DPP10: variants seen among roughly 807,000 people sequenced by gnomAD.
DPP10 encodes dipeptidyl peptidase like 10, also known as inactive dipeptidyl peptidase 10.
In DPP10, 33 loss-of-function variants were observed where a neutral mutation model predicts 120.9. The observed-to-expected ratio is 0.27, with a 90% CI of 0.21 to 0.37. The LOEUF is 0.37. Among genes scored for constraint, DPP10 ranks in the 10% least tolerant of loss-of-function variants. The pLI, the probability that DPP10 is intolerant of heterozygous loss-of-function variation, is 1.00. For missense variants in DPP10, 816 were observed against 942.8 expected, an observed-to-expected ratio of 0.87 and a Z score of 1.76; for synonymous variants, 337 against 326.1, an observed-to-expected ratio of 1.03 and a Z score of -0.36.
At chr2:114,648,452 C>T (rs546513068) in intron 1 of DPP10, among the ~76,000 whole-genome samples, 2 of 152,172 alleles carry the variant, frequency 1.3e-5, no homozygotes, top group Non-Finnish European at 2.9e-5. Context: ...GTATTTCTCC[C>T]TTGCTTAAGT....
At chr2:115,409,620 A>C (rs2068789187) in intron 3 of DPP10, among the ~76,000 whole-genome samples, 1 of 152,222 alleles carries the variant, frequency 6.6e-6, no homozygotes, top group African/African-American at 2.4e-5. Flanking sequence ...TTAAAGAACT[A>C]AAAATAGATC....
intron 3 of DPP10, among the ~76,000 whole-genome samples, chr2:115,356,384 G>A (rs1439528720): frequency 6.6e-6 from 1 of 152,028 alleles, no homozygotes; most frequent in African/African-American, 2.4e-5. Context: ...AGGAATGCTT[G>A]TGGTTTTTGC....
intron 7 of DPP10, among the ~76,000 whole-genome samples, chr2:115,699,389 G>A (rs1471107954): frequency 1.3e-5 from 2 of 152,150 alleles, no homozygotes; most frequent in South Asian, 2.1e-4. Context: ...ATCACCTGAG[G>A]TCAGGAGTTT....
intron 1 of DPP10, among the ~76,000 whole-genome samples, chr2:114,684,125 A>T (rs953336237): frequency 9.9e-5 from 15 of 151,956 alleles, no homozygotes; most frequent in South Asian, 6.2e-4. Flanking sequence ...GATAGGGAAG[A>T]TTCTTTGTGT....
At chr2:115,352,448 T>C (rs2064095001) in intron 3 of DPP10, among the ~76,000 whole-genome samples, 1 of 152,186 alleles carries the variant, frequency 6.6e-6, no homozygotes, top group Non-Finnish European at 1.5e-5. Context: ...TATACAATTG[T>C]TGGTCTTGGC....
chr2:115,096,527 GA>G (rs1273949378), intron 1 of DPP10, among the ~76,000 whole-genome samples: 2 of 152,022 alleles, frequency 1.3e-5, no homozygotes, highest in African/African-American at 2.4e-5. Flanking sequence ...ACTAGTCAGG[GA>G]AAAGAGCTTA....
At chr2:114,846,685 T>A (rs1688573332) in intron 1 of DPP10, among the ~76,000 whole-genome samples, 1 of 152,138 alleles carries the variant, frequency 6.6e-6, no homozygotes. Flanking sequence ...TGACCCTTCA[T>A]GAATGCTGCC....
At chr2:115,543,923 C>A (rs1377435025) in intron 5 of DPP10, among the ~76,000 whole-genome samples, 1 of 151,654 alleles carries the variant, frequency 6.6e-6, no homozygotes, top group East Asian at 1.9e-4. Flanking sequence ...GTGTAAATTT[C>A]ATTAATATTA....
intron 5 of DPP10, among the ~76,000 whole-genome samples, chr2:115,619,815 T>G (rs2084811650): frequency 6.6e-6 from 1 of 152,204 alleles, no homozygotes. Context: ...GATGAGACTT[T>G]ATTTCTGAAC....
At chr2:115,685,757 T>G (rs2090954785) in intron 5 of DPP10, among the ~76,000 whole-genome samples, 1 of 152,088 alleles carries the variant, frequency 6.6e-6, no homozygotes, top group Admixed American at 6.6e-5. Flanking sequence ...TGAATGTAGT[T>G]AATTTTCATT....
chr2:115,659,216 C>G (rs1012344252), intron 5 of DPP10, among the ~76,000 whole-genome samples: 49 of 152,244 alleles, frequency 3.2e-4, no homozygotes, highest in African/African-American at 1.1e-3. Flanking sequence ...TCTCATACTT[C>G]CCAACCTCCA....
chr2:114,514,769 G>GT (rs770243737), intron 1 of DPP10, among the ~76,000 whole-genome samples: 4,423 of 140,758 alleles, frequency 0.031, 80 homozygotes, highest in Non-Finnish European at 0.036. Flanking sequence ...TTTTTTTTCT[G>GT]GTTTTTTTTT....
intron 2 of DPP10, among the ~76,000 whole-genome samples, chr2:115,315,711 A>G (rs967549829): frequency 2.0e-5 from 3 of 152,178 alleles, no homozygotes; most frequent in African/African-American, 4.8e-5. Context: ...ATTGATAGGC[A>G]TAGTCTAATG....
chr2:114,465,565 A>G (rs570744626), intron 1 of DPP10, among the ~76,000 whole-genome samples: 1 of 152,356 alleles, frequency 6.6e-6, no homozygotes, highest in African/African-American at 2.4e-5. Flanking sequence ...TGTTAAAAAA[A>G]CAATATTCCT....
intron 5 of DPP10, among the ~76,000 whole-genome samples, chr2:115,550,541 C>T (rs914981094): frequency 7.9e-5 from 12 of 152,150 alleles, no homozygotes; most frequent in Non-Finnish European, 1.2e-4. Context: ...CCTTCATTTT[C>T]TAACTACTTT....
At chr2:115,156,902 GA>G (rs199624150) in intron 1 of DPP10, among the ~76,000 whole-genome samples, 14 of 151,752 alleles carry the variant, frequency 9.2e-5, no homozygotes, top group South Asian at 8.3e-4. Context: ...TGAAAATCAG[GA>G]AAAAAAATAC....
chr2:115,582,737 C>G (rs1411709112), intron 5 of DPP10, among the ~76,000 whole-genome samples: 1 of 152,078 alleles, frequency 6.6e-6, no homozygotes, highest in African/African-American at 2.4e-5. Context: ...TATTAATAAC[C>G]CAGTGATGTT....
At chr2:115,526,648 A>G (rs553194202) in intron 5 of DPP10, among the ~76,000 whole-genome samples, 2 of 152,258 alleles carry the variant, frequency 1.3e-5, no homozygotes, top group South Asian at 2.1e-4. Flanking sequence ...GCAGATTAGT[A>G]TCTGTAAAGA....
intron 1 of DPP10, among the ~76,000 whole-genome samples, chr2:115,250,158 G>C (rs149493551): frequency 1.3e-5 from 2 of 152,114 alleles, no homozygotes; most frequent in African/African-American, 4.8e-5. Flanking sequence ...CACATGTTCA[G>C]ATCTTTTTCA....
Sources: gnomAD v4.1 joint callset for allele counts (sites outside exome capture counted in the v4.1 genomes callset) on GRCh38, gnomAD v4.1.1 for gene constraint, MANE v1.5 for transcripts, NCBI Gene and HGNC (gene_info 2026-07-23, HGNC 2026-07-21) for gene names.